Variants in CDH4 observed in about 807,000 individuals in gnomAD.
The protein encoded by CDH4 is cadherin-4.
CDH4 carries 33 observed loss-of-function variants against 86.0 expected under a neutral mutation model. That is an observed-to-expected ratio of 0.38 (90% CI 0.29 to 0.51). The LOEUF is 0.51. Among genes scored for constraint, CDH4 ranks in the 20% least tolerant of loss-of-function variants. The pLI is 0.86. For synonymous variants in CDH4, 555 were observed against 549.4 expected, an observed-to-expected ratio of 1.01 and a Z score of -0.14; for missense variants, 1,114 against 1,307.4, an observed-to-expected ratio of 0.85 and a Z score of 2.28.
At chr20:61,797,074 A>G (rs1213845904) in intron 4 of CDH4, among the ~76,000 whole-genome samples, 1 of 82,454 alleles carries the variant, frequency 1.2e-5, no homozygotes, top group Non-Finnish European at 2.3e-5. Context: ...GAAGGCTGGG[A>G]CAGGAAGAGC....
intron 2 of CDH4, among the ~76,000 whole-genome samples, chr20:61,573,324 G>T (rs1479597333): frequency 6.6e-6 from 1 of 152,222 alleles, no homozygotes; most frequent in African/African-American, 2.4e-5. Flanking sequence ...TGGCCTGGTG[G>T]ATGCCCATGG....
At chr20:61,758,484 G>T (rs2088592614) in intron 3 of CDH4, among the ~76,000 whole-genome samples, 1 of 152,278 alleles carries the variant, frequency 6.6e-6, no homozygotes, top group Admixed American at 6.5e-5. Flanking sequence ...GGCTTTCCCA[G>T]AATTGCCACG....
intron 4 of CDH4, among the ~76,000 whole-genome samples, chr20:61,778,363 G>A (rs986460592): frequency 5.3e-5 from 8 of 151,972 alleles, no homozygotes; most frequent in East Asian, 1.9e-4. Context: ...TATGTTAAAC[G>A]AAAAAACGAG....
chr20:61,496,452 ATATC>A (rs1162572638), intron 2 of CDH4, among the ~76,000 whole-genome samples: 3 of 152,082 alleles, frequency 2.0e-5, no homozygotes, highest in South Asian at 2.1e-4. Flanking sequence ...CCTTCATCCC[ATATC>A]TATCCTCTGC....
chr20:61,475,228 T>G (rs2085527424), intron 2 of CDH4, among the ~76,000 whole-genome samples: 1 of 152,060 alleles, frequency 6.6e-6, no homozygotes, highest in Non-Finnish European at 1.5e-5. Context: ...TCTGTTGACT[T>G]CATATCTGGA....
chr20:61,294,338 C>A (rs551472780), intron 2 of CDH4, among the ~76,000 whole-genome samples: 1 of 152,176 alleles, frequency 6.6e-6, no homozygotes, highest in South Asian at 2.1e-4. Context: ...GGTGAAGTCT[C>A]ATGACCTGCC....
At chr20:61,791,933 A>G (rs568573994) in intron 4 of CDH4, among the ~76,000 whole-genome samples, 1 of 152,050 alleles carries the variant, frequency 6.6e-6, no homozygotes, top group Admixed American at 6.5e-5. Flanking sequence ...AGCAGGTCCC[A>G]GGGCCCCCAG....
At chr20:61,257,515 C>CCGCTCCTGTGTCCCCTGCCTGCG (rs1395231412) in intron 2 of CDH4, among the ~76,000 whole-genome samples, 5 of 152,214 alleles carry the variant, frequency 3.3e-5, no homozygotes, top group Non-Finnish European at 7.3e-5. Flanking sequence ...TTCCGAGACG[C>CCGCTCCTGTGTCCCCTGCCTGCG]CGCTCCTGTG....
Position 61,714,023 on chromosome 20 carries a change from T to TTATGTTATGTTATGTTATGTTATG in CDH4, c.170-29539_170-29538insATGTTATGTTATGTTATGTTATGT, listed in dbSNP as rs1555828915. ...GTCTTAGTCCATTGTCTATTCTTTT[T>TTATGTTATGTTATGTTATGTTATG]TTATTTTATTTTATTTTATTTTATT... is the stretch of plus-strand genomic sequence containing the variant. On this transcript the variant is annotated intron_variant, in intron 2 of 15. Transcript: ENST00000614565. Among the ~76,000 whole-genome samples, 1,063 of 123,866 alleles carry TTATGTTATGTTATGTTATGTTATG rather than the reference T, an allele frequency of 8.6e-3. 134 individuals are homozygous for TTATGTTATGTTATGTTATGTTATG. Among genetic ancestry groups the TTATGTTATGTTATGTTATGTTATG allele is most frequent in the African/African-American group, 0.029 (712 of 24,868 alleles). The allele number at this position is 123,866 out of a possible 152,430, so 81.3% of individuals were successfully genotyped here.
At chr20:61,806,374 G>A (rs1980128388) in intron 4 of CDH4, among the ~76,000 whole-genome samples, 1 of 152,210 alleles carries the variant, frequency 6.6e-6, no homozygotes, top group Non-Finnish European at 1.5e-5. Context: ...ACCTCCCACG[G>A]GGTTAGGAAC....
At chr20:61,631,882 C>T (rs1490638011) in intron 2 of CDH4, among the ~76,000 whole-genome samples, 1 of 152,244 alleles carries the variant, frequency 6.6e-6, no homozygotes, top group African/African-American at 2.4e-5. Context: ...GCGTGTCCTC[C>T]CTTGCAACTG....
chr20:61,774,957 G>T (rs2088820237), intron 4 of CDH4, among the ~76,000 whole-genome samples: 2 of 152,118 alleles, frequency 1.3e-5, no homozygotes, highest in African/African-American at 4.8e-5. Flanking sequence ...CCATGTCTTT[G>T]CTGTTGTGAA....
chr20:61,546,120 GGGGGTA>G (rs1377896832), intron 2 of CDH4, among the ~76,000 whole-genome samples: 14 of 138,000 alleles, frequency 1.0e-4, no homozygotes, highest in South Asian at 2.4e-4. Flanking sequence ...GCATGTGTGT[GGGGGTA>G]TGTGGGATAC....
At chr20:61,388,644 C>T (rs2084964955) in intron 2 of CDH4, among the ~76,000 whole-genome samples, 1 of 152,124 alleles carries the variant, frequency 6.6e-6, no homozygotes, top group Non-Finnish European at 1.5e-5. Context: ...TAAAACAACT[C>T]GGGGGTACTC....
rs995182232 is a variant in CDH4 at position 61,663,251 on chromosome 20, C to T, written c.170-80312C>T. On this transcript the variant is annotated intron_variant, in intron 2 of 15. Transcript: ENST00000614565. The surrounding 1 kb of genome is among the most constrained non-coding windows in gnomAD (Gnocchi z 5.0). Reference sequence around the variant, plus strand: ...GCCCCTGTCCCAGAGGAGCTTTCATCGAGGGCTTGGCGCCCACGACAAATG... The same window carrying T: ...GCCCCTGTCCCAGAGGAGCTTTCATTGAGGGCTTGGCGCCCACGACAAATG... 2.0e-5 allele frequency among the ~76,000 whole-genome samples: 3 copies of T among 152,192 alleles called. No individual in the cohort carries two copies. The highest frequency in any genetic ancestry group is 4.8e-5 in the African/African-American group (2 of 41,442).
At chr20:61,743,311 G>T (rs952211917) in intron 2 of CDH4, among the ~76,000 whole-genome samples, 2 of 152,244 alleles carry the variant, frequency 1.3e-5, no homozygotes, top group Non-Finnish European at 2.9e-5. Context: ...GCAGAAGGGA[G>T]TGCAGCTGTG....
intron 2 of CDH4, among the ~76,000 whole-genome samples, chr20:61,304,267 C>CCT (rs562733196): frequency 6.6e-6 from 1 of 151,730 alleles, no homozygotes; most frequent in East Asian, 1.9e-4. Context: ...GACGGCACCC[C>CCT]CCCAACCCCC....
chr20:61,459,196 C>G (rs1600694557), intron 2 of CDH4, among the ~76,000 whole-genome samples: 1 of 68,802 alleles, frequency 1.5e-5, no homozygotes, highest in African/African-American at 3.0e-5. Context: ...TGTGGCCATC[C>G]CCTTCTCCAG....
At chr20:61,863,142 C>T (rs536921284) in intron 6 of CDH4, among the ~76,000 whole-genome samples, 1 of 152,250 alleles carries the variant, frequency 6.6e-6, no homozygotes, top group Non-Finnish European at 1.5e-5. Flanking sequence ...TCCTTTAAGG[C>T]GCATGGCAGC....
Sources: gnomAD v4.1 joint callset for allele counts (sites outside exome capture counted in the v4.1 genomes callset) on GRCh38, gnomAD v4.1.1 for gene constraint, Gnocchi (gnomAD v3.1) non-coding constraint, MANE v1.5 for transcripts, NCBI Gene and HGNC (gene_info 2026-07-23, HGNC 2026-07-21) for gene names.